Variants in USP22 observed in about 807,000 individuals in gnomAD.
The protein encoded by USP22 is ubiquitin carboxyl-terminal hydrolase 22.
In USP22, 22 loss-of-function variants were observed where a neutral mutation model predicts 68.1. The ratio of observed to expected loss-of-function variants is 0.32; its 90% CI spans 0.23 to 0.46. The LOEUF (loss-of-function observed/expected upper bound fraction) is 0.46. Among genes scored for constraint, USP22 ranks in the 20% least tolerant of loss-of-function variants. The probability of loss-of-function intolerance (pLI) is 1.00; values close to 1 mark genes in which losing one functional copy is unlikely to be tolerated. For missense variants in USP22, 433 were observed against 695.8 expected (o/e 0.62, Z 4.25); for synonymous variants, 279 against 274.2 (o/e 1.02, Z -0.17).
chr17:21,013,037 A>T, intron 6 of USP22, 102 bp from the exon 7 acceptor site: 1 of 1,036,092 alleles, frequency 9.7e-7, no homozygotes, highest in Non-Finnish European at 1.5e-6. Context: ...AGCCAGGGCC[A>T]ACGCTTTAAA....
chr17:21,015,961 C>A, intron 5 of USP22, 62 bp from the exon 6 acceptor site: 1 of 1,552,288 alleles, frequency 6.4e-7, no homozygotes, highest in South Asian at 1.2e-5. Flanking sequence ...ACACAGAGTA[C>A]ACACAATCAA....
At chr17:21,011,489 C>G in intron 7 of USP22, 180 bp from the exon 8 acceptor site, 1 of 748,542 alleles carries the variant, frequency 1.3e-6, no homozygotes, top group Non-Finnish European at 2.1e-6. Context: ...TCCTGGCTCC[C>G]AAGGTGGCCC....
chr17:21,034,839 C>T (rs1972334436), intron 1 of USP22, among the ~76,000 whole-genome samples: 1 of 152,088 alleles, frequency 6.6e-6, no homozygotes, highest in South Asian at 2.1e-4. Context: ...AATAAGAAAA[C>T]AATATCAAAT....
At chr17:21,042,213 C>G (rs1055141449) in intron 1 of USP22, 1 of 154,686 alleles carries the variant, frequency 6.5e-6, no homozygotes, top group Non-Finnish European at 1.4e-5. Flanking sequence ...GAGTTCCCCG[C>G]AAGGACCTCG....
rs1398304389 is a variant in USP22 at position 21,000,491 on chromosome 17, G to A, written c.*2540C>T. On this transcript the variant is annotated 3_prime_UTR_variant, in exon 13 of 13. Coordinates refer to ENST00000261497, the MANE Select transcript of USP22 (RefSeq NM_015276.2). ...AATAATGCCCACCAAAAATCCATGT[G>A]ACTCCATCTCTCTTCCCAGTTCTAA... The A allele has an allele frequency of 6.6e-6, 1 of 152,256 alleles. No homozygotes were observed. Among genetic ancestry groups the A allele is most frequent in the Non-Finnish European group, 1.5e-5 (1 of 68,086 alleles). The allele number at this position is 152,256 out of a possible 1,614,324, so 9.4% of individuals were successfully genotyped here.
At chr17:21,015,725 G>C (rs537446787) in intron 6 of USP22, 27 bp downstream of exon 6, 3 of 1,594,282 alleles carry the variant, frequency 1.9e-6, no homozygotes, top group African/African-American at 2.7e-5. Flanking sequence ...TCCTGCCCTG[G>C]TGGAGGGTGC....
chr17:21,027,625 C>T (rs1414199431), intron 2 of USP22, among the ~76,000 whole-genome samples: 1 of 152,130 alleles, frequency 6.6e-6, no homozygotes, highest in Non-Finnish European at 1.5e-5. Flanking sequence ...CATGAGCATT[C>T]CAAGGAAAAC....
intron 1 of USP22, among the ~76,000 whole-genome samples, chr17:21,033,909 C>T (rs1347704373): frequency 5.3e-5 from 8 of 151,960 alleles, no homozygotes; most frequent in African/African-American, 1.9e-4. Context: ...CCACCATGCT[C>T]GGCTAACTTT....
chr17:21,014,981 G>T (rs1277022355), intron 6 of USP22, among the ~76,000 whole-genome samples: 4 of 152,192 alleles, frequency 2.6e-5, no homozygotes, highest in African/African-American at 9.6e-5. Flanking sequence ...CGGGCTTTAG[G>T]AAGACCTGCA....
intron 1 of USP22, among the ~76,000 whole-genome samples, chr17:21,036,030 C>CAAAAAAAA (rs35324126): frequency 3.4e-5 from 2 of 59,636 alleles, no homozygotes; most frequent in South Asian, 6.1e-4. Context: ...GACTCCGTCT[C>CAAAAAAAA]AAAAAAAAAA....
intron 1 of USP22, among the ~76,000 whole-genome samples, chr17:21,029,081 T>C (rs546226584): frequency 3.3e-5 from 5 of 152,096 alleles, no homozygotes; most frequent in Admixed American, 3.3e-4. Flanking sequence ...ACAGCAAATT[T>C]AGAAGCCAAC....
intron 10 of USP22, chr17:21,005,224 G>GT: frequency 1.9e-6 from 1 of 538,812 alleles, no homozygotes; most frequent in Non-Finnish European, 3.3e-6. Context: ...GTGGCCCCTG[G>GT]TTCTTCCAAG....
chr17:21,004,849 G>A (rs924243029), intron 11 of USP22, 79 bp downstream of exon 11: 52 of 1,519,394 alleles, frequency 3.4e-5, no homozygotes, highest in Middle Eastern at 3.5e-4. Context: ...TCCGCTGGGC[G>A]CCCTACAAGG....
intron 2 of USP22, among the ~76,000 whole-genome samples, chr17:21,023,623 C>A (rs1255187419): frequency 7.9e-6 from 1 of 126,566 alleles, no homozygotes; most frequent in African/African-American, 3.1e-5. Context: ...CCAGCCTGGG[C>A]GAGAGTGCCA....
At chr17:21,011,031 A>G (rs1169523008) in intron 8 of USP22, 120 bp downstream of exon 8, 1 of 1,348,650 alleles carries the variant, frequency 7.4e-7, no homozygotes, top group Non-Finnish European at 9.8e-7. Context: ...ATCCAGGCTC[A>G]TGCTGCACCT....
At position 21,000,632 on chromosome 17, in the gene USP22, T is replaced by G. The variant is rs932715540; in HGVS notation, c.*2399A>C. 1 of 151,898 alleles carries G rather than the reference T, an allele frequency of 6.6e-6. No individual in the cohort carries two copies. The allele number at this position is 151,898 out of a possible 1,614,324, so 9.4% of individuals were successfully genotyped here. A position where few individuals can be genotyped will look rare whatever the true frequency, so the allele number is the denominator to read the frequency against. On this transcript the variant is annotated 3_prime_UTR_variant, in exon 13 of 13. Transcript: ENST00000261497. ...AAACCCAGGCAGCTGCCAGAAAGCC[T>G]TCTGCACTCCGCAAGACACCCCAGT...
intron 2 of USP22, among the ~76,000 whole-genome samples, 178 bp from the exon 3 acceptor site, chr17:21,021,404 T>C (rs1276821548): frequency 2.0e-5 from 3 of 152,182 alleles, no homozygotes; most frequent in Admixed American, 2.0e-4. Flanking sequence ...GTGAGGGGCA[T>C]GCACTGTGTT....
chr17:21,022,623 C>A (rs994813966), intron 2 of USP22, among the ~76,000 whole-genome samples: 1 of 152,024 alleles, frequency 6.6e-6, no homozygotes, highest in African/African-American at 2.4e-5. Flanking sequence ...CATGGTGAAA[C>A]CCCGTCTCTA....
intron 1 of USP22, among the ~76,000 whole-genome samples, chr17:21,036,634 G>C (rs745681268): frequency 3.3e-5 from 5 of 152,058 alleles, no homozygotes; most frequent in Non-Finnish European, 7.4e-5. Flanking sequence ...GTGGGAGCCA[G>C]CATTTTCTCT....
Sources: allele counts gnomAD v4.1 joint callset (sites outside exome capture counted in the v4.1 genomes callset), GRCh38; gene constraint gnomAD v4.1.1; transcripts MANE v1.5; gene names NCBI Gene and HGNC (gene_info 2026-07-23, HGNC 2026-07-21).